Variants in MSL2 observed in about 807,000 individuals in gnomAD.
MSL2 encodes E3 ubiquitin-protein ligase MSL2.
MSL2 carries 2 observed loss-of-function variants against 35.8 expected under a neutral mutation model. The observed-to-expected ratio is 0.06, with a 90% CI of 0.02 to 0.18. MSL2 has a LOEUF of 0.18. Ranked by LOEUF, MSL2 falls within the 10% of genes least tolerant of loss-of-function variation. The pLI is 1.00. For missense variants in MSL2, 523 were observed against 706.7 expected, an observed-to-expected ratio of 0.74 and a Z score of 2.95; for synonymous variants, 296 against 255.7, an observed-to-expected ratio of 1.16 and a Z score of -1.50.
At chr3:136,153,166 T>G in intron 1 of MSL2, 1 of 580,416 alleles carries the variant, frequency 1.7e-6, no homozygotes, top group East Asian at 1.4e-4. Flanking sequence ...GCCCTAGAGT[T>G]CAGGCTACGG....
intron 1 of MSL2, 123 bp from the exon 2 acceptor site, chr3:136,152,861 T>C (rs1451835812): frequency 1.4e-6 from 2 of 1,449,300 alleles, no homozygotes; most frequent in Non-Finnish European, 1.8e-6. Context: ...CTAGACCAGA[T>C]AACAGAAAAT....
At position 136,178,290 on chromosome 3, in the gene MSL2, T is replaced by C. The variant is rs572232739; in HGVS notation, c.142+16682A>G. Among the ~76,000 whole-genome samples the C allele has an allele frequency of 5.3e-5, 8 of 152,300 alleles. No individual in the cohort carries two copies. In the East Asian group the frequency reaches 1.5e-3, roughly 29 times the overall value. On this transcript the variant is annotated intron_variant, in intron 1 of 1. Transcript: ENST00000309993. ...GCAATGACAGCCACTCACAAAATTA[T>C]TACCTATAAGATAATGTAGGCTGAT...
rs1407275836 is a variant in MSL2, at chr3:136,149,196, T to C, written c.*1951A>G. The C allele has an allele frequency of 3.3e-5, 5 of 152,232 alleles. No individual in the cohort carries two copies. The highest frequency in any genetic ancestry group is 1.2e-4 in the African/African-American group (5 of 41,352). 9.4% of individuals were successfully genotyped at this position (152,232 alleles called of 1,614,324 possible). The stretch of plus-strand genomic sequence containing the variant: ...CTCTATGAATTTTAAGATCATAATA[T>C]TAGGAAAGTTTGGTCGATTTGCAAA... On this transcript the variant is annotated 3_prime_UTR_variant, in exon 2 of 2. Coordinates refer to ENST00000309993, the MANE Select transcript of MSL2 (RefSeq NM_018133.4).
chr3:136,193,013 A>G (rs1028140363), intron 1 of MSL2, among the ~76,000 whole-genome samples: 85 of 152,216 alleles, frequency 5.6e-4, no homozygotes, highest in African/African-American at 2.0e-3. Flanking sequence ...CTACTCAATC[A>G]TAAGGGAGAA....
chr3:136,168,225 A>G (rs983101612), intron 1 of MSL2, among the ~76,000 whole-genome samples: 1 of 152,200 alleles, frequency 6.6e-6, no homozygotes, highest in Non-Finnish European at 1.5e-5. Flanking sequence ...CCAAAAAAAA[A>G]GCAAACAAGC....
intron 1 of MSL2, among the ~76,000 whole-genome samples, chr3:136,183,245 AAAC>A (rs1207541248): frequency 7.2e-5 from 11 of 152,290 alleles, no homozygotes; most frequent in African/African-American, 1.4e-4. Context: ...TAGAATTAGT[AAAC>A]AACATTAAAA....
At chr3:136,194,577 T>A (rs560386430) in intron 1 of MSL2, 1 of 344,938 alleles carries the variant, frequency 2.9e-6, no homozygotes, top group South Asian at 8.0e-5. Context: ...ACACGCCACA[T>A]GTGCCCACAT....
At chr3:136,188,955 T>C (rs945948322) in intron 1 of MSL2, among the ~76,000 whole-genome samples, 1 of 151,454 alleles carries the variant, frequency 6.6e-6, no homozygotes, top group Non-Finnish European at 1.5e-5. Flanking sequence ...AACAATGCAT[T>C]TAGGGAGTCC....
intron 1 of MSL2, among the ~76,000 whole-genome samples, chr3:136,188,657 G>A (rs1940591228): frequency 6.6e-6 from 1 of 150,624 alleles, no homozygotes; most frequent in Admixed American, 6.6e-5. Context: ...ACGATGAGGT[G>A]GGAGGACTGC....
intron 1 of MSL2, among the ~76,000 whole-genome samples, chr3:136,159,036 G>A (rs1222665573): frequency 4.6e-5 from 7 of 152,176 alleles, no homozygotes; most frequent in African/African-American, 1.7e-4. Context: ...TGATGTGTCT[G>A]TAAGTTCAAT....
At chr3:136,157,201 T>C (rs960812996) in intron 1 of MSL2, among the ~76,000 whole-genome samples, 73 of 147,776 alleles carry the variant, frequency 4.9e-4, no homozygotes, top group Non-Finnish European at 3.2e-4. Flanking sequence ...CAAGGTGGGC[T>C]GATCACCTGA....
rs1044460063 is a variant in MSL2 at position 136,165,495 on chromosome 3, A to G, written c.143-12757T>C. On this transcript the variant is annotated intron_variant, in intron 1 of 1. Coordinates refer to ENST00000309993, the MANE Select transcript of MSL2 (RefSeq NM_018133.4). ...TAAGACATAGTTTTAGGATACCACA[A>G]TGCTAATTTTTGTAATTTCTGGGAA... Among the ~76,000 whole-genome samples the G allele has an allele frequency of 6.6e-5, 10 of 152,316 alleles. No homozygotes were observed. In the East Asian group the frequency reaches 1.9e-3, roughly 29 times the overall value.
intron 1 of MSL2, among the ~76,000 whole-genome samples, chr3:136,178,755 G>A (rs558770868): frequency 0.41 from 362 of 884 alleles, 7 homozygotes; most frequent in East Asian, 0.51. Context: ...GGCTGGTCTC[G>A]AACTCCTCCT....
intron 1 of MSL2, among the ~76,000 whole-genome samples, chr3:136,157,614 A>G (rs554390204): frequency 1.8e-4 from 27 of 152,378 alleles, no homozygotes; most frequent in African/African-American, 6.0e-4. Context: ...GTTTTAAAAG[A>G]TCAAAGAAAA....
chr3:136,189,109 A>AC (rs1940608122), intron 1 of MSL2, among the ~76,000 whole-genome samples: 1 of 61,628 alleles, frequency 1.6e-5, no homozygotes, highest in African/African-American at 7.1e-5. Context: ...CTGTCTCTAC[A>AC]AAAAAAAAAA....
chr3:136,191,442 T>G (rs781268278), intron 1 of MSL2, among the ~76,000 whole-genome samples: 1 of 138,260 alleles, frequency 7.2e-6, no homozygotes, highest in African/African-American at 2.8e-5. Context: ...CACTCCAGCC[T>G]GGGTGAAAGA....
At chr3:136,161,905 A>G (rs1939716016) in intron 1 of MSL2, among the ~76,000 whole-genome samples, 1 of 152,090 alleles carries the variant, frequency 6.6e-6, no homozygotes, top group African/African-American at 2.4e-5. Context: ...AAGGAAGGAC[A>G]CAAGGGATAG....
intron 1 of MSL2, among the ~76,000 whole-genome samples, chr3:136,170,555 G>A (rs1375831875): frequency 1.6e-5 from 2 of 121,318 alleles, no homozygotes; most frequent in Non-Finnish European, 3.2e-5. Context: ...TCGCTCTGTC[G>A]CCAGGCTGGA....
At chr3:136,157,706 GC>G (rs1157095770) in intron 1 of MSL2, among the ~76,000 whole-genome samples, 1 of 152,134 alleles carries the variant, frequency 6.6e-6, no homozygotes, top group Non-Finnish European at 1.5e-5. Flanking sequence ...AATTAAGGAA[GC>G]CCTATGAACA....
Sources: gnomAD v4.1 joint callset for allele counts (sites outside exome capture counted in the v4.1 genomes callset) on GRCh38, gnomAD v4.1.1 for gene constraint, MANE v1.5 for transcripts, NCBI Gene and HGNC (gene_info 2026-07-23, HGNC 2026-07-21) for gene names.